Variants in GUCY2F observed in about 807,000 individuals in gnomAD.
GUCY2F encodes retinal guanylyl cyclase 2.
Under a neutral mutation model 73.1 loss-of-function variants are expected in GUCY2F, and 61 were observed. That is an observed-to-expected ratio of 0.83 (90% CI 0.68 to 1.03). GUCY2F has a LOEUF of 1.03. Ranked by LOEUF, GUCY2F falls within the 50% of genes least tolerant of loss-of-function variation. GUCY2F has a pLI of 0.00. For missense variants in GUCY2F, 912 were observed against 854.3 expected, an observed-to-expected ratio of 1.07 and a Z score of -0.84; for synonymous variants, 331 against 307.8, an observed-to-expected ratio of 1.08 and a Z score of -0.79.
At chrX:109,407,692 T>C (rs1205379285) in intron 9 of GUCY2F, among the ~76,000 whole-genome samples, 1 of 113,255 alleles carries the variant, frequency 8.8e-6, no homozygotes, top group Non-Finnish European at 1.9e-5. Context: ...GTGTCCCAGC[T>C]GCTCCAACTG....
At chrX:109,438,584 G>A (rs1931805336) in intron 7 of GUCY2F, among the ~76,000 whole-genome samples, 1 of 113,118 alleles carries the variant, frequency 8.8e-6, no homozygotes, top group African/African-American at 3.2e-5. Flanking sequence ...TAAGTCTTGA[G>A]AGTAATCTTT....
chrX:109,378,582 A>G (rs1930230777), intron 17 of GUCY2F, among the ~76,000 whole-genome samples: 1 of 111,134 alleles, frequency 9.0e-6, no homozygotes, highest in Non-Finnish European at 1.9e-5. Flanking sequence ...CAATCTCACT[A>G]TTTCTTAATT....
intron 2 of GUCY2F, among the ~76,000 whole-genome samples, chrX:109,469,867 A>G (rs1932539821): frequency 9.0e-6 from 1 of 111,429 alleles, no homozygotes; most frequent in Non-Finnish European, 1.9e-5. Flanking sequence ...TCAGTGCAGG[A>G]GGCTCTCAAA....
chrX:109,393,042 T>C lies in GUCY2F; in HGVS notation c.2438A>G (p.Asn813Ser). ...AATAATATTGGTCTTCTTCCCTTTA[T>C]TAAAAGTTTTAAACTGGAAGTAAAA... The part of the protein sequence containing the change: ...DEIFNQFKTF[N>S]KGKKTNIIDS... The change falls in exon 13 of 20, where the codon AAT (asparagine) becomes AGT (serine). Residue 813 changes from asparagine to serine, a missense_variant. Asn to Ser is a conservative substitution (Grantham distance 46). Coordinates refer to ENST00000218006, the MANE Select transcript of GUCY2F (RefSeq NM_001522.3). 1 of 1,069,311 alleles carries C rather than the reference T, an allele frequency of 9.4e-7. No individual in the cohort carries two copies. The highest frequency in any genetic ancestry group is 3.0e-5 in the East Asian group (1 of 33,213). The allele number at this position is 1,069,311 out of a possible 1,213,427, so 88.1% of individuals were successfully genotyped here. A position where few individuals can be genotyped will look rare whatever the true frequency, so the allele number is the denominator to read the frequency against.
At position 109,430,323 on chromosome X, in the gene GUCY2F, C is replaced by G. The variant is rs1324440957; in HGVS notation, c.1775G>C (p.Ser592Thr). Residue 592 changes from serine to threonine, a missense_variant, in exon 8 of 20, where the codon AGT (serine) becomes ACT (threonine). Ser to Thr is a moderately conservative substitution (Grantham distance 58, BLOSUM62 1). Transcript: ENST00000218006. ...TTCTCATACCATTTCGAACACATCA[C>G]TTGCTCTTGATTTGATGGACTTAAG... is the stretch of plus-strand genomic sequence containing the variant. ...GDLKSIKSRA[S>T]DVFEMMKDLR... 1.8e-6 allele frequency: 2 copies of G among 1,083,595 alleles called. No individual in the cohort carries two copies. 89.3% of individuals were successfully genotyped at this position (1,083,595 alleles called of 1,213,427 possible).
At position 109,404,588 on chromosome X, in the gene GUCY2F, A is replaced by G. The variant is rs1041687717; in HGVS notation, c.1969-104T>C. On this transcript the variant is annotated intron_variant, in intron 9 of 19. Coordinates refer to ENST00000218006, the MANE Select transcript of GUCY2F (RefSeq NM_001522.3). Reference sequence around the variant, plus strand: ...AATGGCATGAGCTATTATGATCCAGAACTCAGCTTTTTTCTCTTCTATGCA... The same window carrying G: ...AATGGCATGAGCTATTATGATCCAGGACTCAGCTTTTTTCTCTTCTATGCA... The G allele has an allele frequency of 5.3e-6, 3 of 568,640 alleles. No individual in the cohort carries two copies. The African/African-American group carries it at 7.0e-5, about 13-fold the overall frequency. 46.9% of individuals were successfully genotyped at this position (568,640 alleles called of 1,213,427 possible).
In GUCY2F at chrX:109,388,483, TA is replaced by T. The variant is rs1177925712; in HGVS notation, c.2956+5del. ...AATGTTTCCTCTTACTTTAACTGGT[TA>T]TTACCTGAGTGAAGGCCAATTCGAA... On this transcript the variant is annotated splice_donor_5th_base_variant and intron_variant, in intron 15 of 19. Coordinates refer to ENST00000218006, the MANE Select transcript of GUCY2F (RefSeq NM_001522.3). 3 of 1,185,658 alleles carry T rather than the reference TA, an allele frequency of 2.5e-6. No individual in the cohort carries two copies. In the Admixed American group the frequency reaches 6.6e-5, roughly 26 times the overall value.
At chrX:109,373,586 AT>A (rs1930106583) in intron 19 of GUCY2F, among the ~76,000 whole-genome samples, 1 of 112,124 alleles carries the variant, frequency 8.9e-6, no homozygotes. Flanking sequence ...CTTTTGTGTT[AT>A]CCCAAGCCTG....
chrX:109,401,728 C>A (rs1008371821), intron 10 of GUCY2F, among the ~76,000 whole-genome samples: 1 of 110,546 alleles, frequency 9.0e-6, no homozygotes, highest in Non-Finnish European at 1.9e-5. Flanking sequence ...ATAAAGAGGG[C>A]AACCTAGCCC....
At chrX:109,446,525 A>G (rs1932014816) in intron 6 of GUCY2F, among the ~76,000 whole-genome samples, 2 of 110,573 alleles carry the variant, frequency 1.8e-5, no homozygotes, top group Admixed American at 9.5e-5. Flanking sequence ...GAAATGGGGA[A>G]AGGATTCCCT....
rs944983767 is a variant in GUCY2F at position 109,395,597 on chromosome X, A to T, written c.2276-108T>A. 1.8e-4 allele frequency: 107 copies of T among 593,985 alleles called. 1 individual carries two copies. The East Asian group carries it at 3.5e-3, about 19-fold the overall frequency. The allele number at this position is 593,985 out of a possible 1,213,427, so 49.0% of individuals were successfully genotyped here. On this transcript the variant is annotated intron_variant, in intron 11 of 19. Coordinates refer to ENST00000218006, the MANE Select transcript of GUCY2F (RefSeq NM_001522.3). ...AGAAGGGGGTAGGTTAGGAGATAAC[A>T]CAGAAGGGCCATCTCCTTTGCTCTC...
At chrX:109,468,294 C>A (rs1312531449) in intron 2 of GUCY2F, among the ~76,000 whole-genome samples, 1 of 112,081 alleles carries the variant, frequency 8.9e-6, no homozygotes, top group African/African-American at 3.2e-5. Context: ...CTTCTACTAC[C>A]AAACTGTGAG....
rs757897248 is a variant in GUCY2F, at chrX:109,388,372, C to T, written c.2956+117G>A. 27 of 582,476 alleles carry T rather than the reference C, an allele frequency of 4.6e-5. No homozygotes were observed. In the African/African-American group the frequency reaches 5.5e-4, roughly 12 times the overall value. 48.0% of individuals were successfully genotyped at this position (582,476 alleles called of 1,213,427 possible). On this transcript the variant is annotated intron_variant, in intron 15 of 19. Coordinates refer to ENST00000218006, the MANE Select transcript of GUCY2F (RefSeq NM_001522.3). Reference sequence around the variant, plus strand: ...GTAGGCATAAAGGAATTATGCAGCCCGGACACCTGGATAATCCGGTGGCCA... The same window carrying T: ...GTAGGCATAAAGGAATTATGCAGCCTGGACACCTGGATAATCCGGTGGCCA...
chrX:109,387,377 TTTGTATGGGTAAAAAAATAA>T (rs896569227), intron 15 of GUCY2F, among the ~76,000 whole-genome samples: 1 of 111,501 alleles, frequency 9.0e-6, no homozygotes, highest in Non-Finnish European at 1.9e-5. Flanking sequence ...GAGCAGGAAG[TTTGTATGGGTAAAAAAATAA>T]TTGTTTTAGA....
chrX:109,468,436 A>G (rs1932512747), intron 2 of GUCY2F, among the ~76,000 whole-genome samples: 1 of 111,593 alleles, frequency 9.0e-6, no homozygotes, highest in Non-Finnish European at 1.9e-5. Flanking sequence ...ACACTTGGGT[A>G]TTTTTTGTGG....
rs758593336 is a variant in GUCY2F, at chrX:109,453,559, G to A, written c.1333C>T (p.Pro445Ser). 14 of 1,209,638 alleles carry A rather than the reference G, an allele frequency of 1.2e-5. No homozygotes were observed. Among genetic ancestry groups the A allele is most frequent in the South Asian group, 8.8e-5 (5 of 56,863 alleles). ...GTPIHFPGGR[P>S]PRADAKCWFA... ...CAGCATTTTGCATCTGCTCTAGGGG[G>A]CCTGCCACCAGGGAAGTGAATAGGG... The change falls in exon 4 of 20, where the codon CCC (proline) becomes TCC (serine). Residue 445 changes from proline to serine, a missense_variant. Physicochemically the swap from Pro to Ser is moderately conservative, Grantham distance 74. Transcript: ENST00000218006.
intron 10 of GUCY2F, 104 bp from the exon 11 acceptor site, chrX:109,398,802 T>G (rs1479690463): frequency 6.2e-5 from 44 of 705,426 alleles, no homozygotes; most frequent in Non-Finnish European, 8.6e-5. Context: ...TGCCTTATAT[T>G]TTTATTAGAC....
intron 1 of GUCY2F, 77 bp from the exon 2 acceptor site, chrX:109,476,098 CAAAAAA>C (rs35170259): frequency 1.4e-5 from 4 of 285,286 alleles, no homozygotes; most frequent in African/African-American, 9.4e-5. Context: ...GAAAGAATGG[CAAAAAA>C]AAAAAAAAAA....
chrX:109,372,933 C>A lies in GUCY2F; in HGVS notation c.*68G>T, dbSNP rs1930090038. On this transcript the variant is annotated 3_prime_UTR_variant, in exon 20 of 20. Transcript: ENST00000218006. Reference sequence around the variant, plus strand: ...ATTTCTTGCCCAGGCAGAACAATTTCTTGAACTGAAGTGAGCTTTCCCATT... The same window carrying A: ...ATTTCTTGCCCAGGCAGAACAATTTATTGAACTGAAGTGAGCTTTCCCATT... The A allele has an allele frequency of 8.8e-6, 1 of 113,175 alleles. No individual in the cohort carries two copies. Among genetic ancestry groups the A allele is most frequent in the South Asian group, 3.6e-4 (1 of 2,783 alleles). 9.3% of individuals were successfully genotyped at this position (113,175 alleles called of 1,213,427 possible).
Sources: gnomAD v4.1 joint callset for allele counts (sites outside exome capture counted in the v4.1 genomes callset) on GRCh38, gnomAD v4.1.1 for gene constraint, MANE v1.5 for transcripts, NCBI Gene and HGNC (gene_info 2026-07-23, HGNC 2026-07-21) for gene names.